Variants in PDZD11 observed in about 807,000 individuals in gnomAD.
PDZD11 encodes PDZ domain-containing protein 11.
In PDZD11, 2 loss-of-function variants were observed where a neutral mutation model predicts 13.7. The observed-to-expected ratio is 0.15, with a 90% CI of 0.06 to 0.46. The LOEUF is 0.46. Among genes scored for constraint, PDZD11 ranks in the 20% least tolerant of loss-of-function variants. PDZD11 has a pLI of 0.98. For synonymous variants in PDZD11, 32 were observed against 37.5 expected, an observed-to-expected ratio of 0.85 and a Z score of 0.54; for missense variants, 44 against 111.7, an observed-to-expected ratio of 0.39 and a Z score of 2.73.
Position 70,288,460 on chromosome X carries a change from G to T in PDZD11, c.141C>A (p.Thr47=), listed in dbSNP as rs1272756963. 1 of 1,210,997 alleles carries T rather than the reference G, an allele frequency of 8.3e-7. No homozygotes were observed. The highest frequency in any genetic ancestry group is 3.0e-5 in the East Asian group (1 of 33,827). The change falls in exon 3 of 7, where the codon ACC becomes ACA. Residue 47 remains threonine (T), a synonymous_variant. Transcript: ENST00000239666. ...NNELTQFLPR[T]ITLKKPPGAQ... ...CTCCAGGAGGCTTCTTCAGTGTGATGGTTCGGGGCAGAAACTGGGTCAACT... is the reference window on the plus strand; with the variant it reads ...CTCCAGGAGGCTTCTTCAGTGTGATTGTTCGGGGCAGAAACTGGGTCAACT...
Position 70,289,314 on chromosome X carries a change from A to G in PDZD11, c.28T>C (p.Tyr10His). MDSRIPYDD[Y>H]PVVFLPAYEN... is the part of the protein sequence containing the mutation. The stretch of plus-strand genomic sequence containing the variant: ...TAGGCAGGCAAGAAAACCACCGGGT[A>G]GTCATCATAAGGAATCCGGCTGTCC... Residue 10 changes from tyrosine to histidine, a missense_variant, in exon 2 of 7, where the codon TAC becomes CAC. Coordinates refer to ENST00000239666, the MANE Select transcript of PDZD11 (RefSeq NM_016484.5). 8.3e-7 allele frequency: 1 copy of G among 1,209,219 alleles called. No homozygotes were observed. Among genetic ancestry groups the G allele is most frequent in the Non-Finnish European group, 1.1e-6 (1 of 893,887 alleles).
At chrX:70,288,658 G>GTAGATGGA in intron 2 of PDZD11, 145 bp from the exon 3 acceptor site, 2 of 438,448 alleles carry the variant, frequency 4.6e-6, no homozygotes, top group Non-Finnish European at 8.0e-6. Context: ...GACTAAATGA[G>GTAGATGGA]TAGATGGATA....
At chrX:70,287,222 A>G in intron 6 of PDZD11, 54 bp downstream of exon 6, 1 of 1,168,557 alleles carries the variant, frequency 8.6e-7, no homozygotes, top group Non-Finnish European at 1.2e-6. Flanking sequence ...CAGTATTTAA[A>G]GAGTTCTTAC....
In PDZD11 at chrX:70,286,900, G is replaced by T; in HGVS notation, c.*182C>A. The T allele has an allele frequency of 2.2e-6, 1 of 453,176 alleles. No homozygotes were observed. The highest frequency in any genetic ancestry group is 4.0e-5 in the Admixed American group (1 of 24,856). 37.3% of individuals were successfully genotyped at this position (453,176 alleles called of 1,213,427 possible). On this transcript the variant is annotated 3_prime_UTR_variant, in exon 7 of 7. Transcript: ENST00000239666. ...CATCATCCTCCTTTCAGGGAATGAA[G>T]CTCACCTAGAAAACTAGGGAACTAA...
rs761240090 is a variant in PDZD11 at position 70,289,591 on chromosome X, A to G, written c.-13-237T>C. The G allele has an allele frequency of 3.0e-5, 12 of 403,747 alleles. No individual in the cohort carries two copies. In the East Asian group the frequency reaches 5.6e-4, roughly 19 times the overall value. 33.3% of individuals were successfully genotyped at this position (403,747 alleles called of 1,213,427 possible). A position where few individuals can be genotyped will look rare whatever the true frequency, so the allele number is the denominator to read the frequency against. On this transcript the variant is annotated intron_variant, in intron 1 of 6. Coordinates refer to ENST00000239666, the MANE Select transcript of PDZD11 (RefSeq NM_016484.5). ...TAGAAAGAGGACCTCATTTTTCACA[A>G]TCCTGCAAAACAGATGTTACCGTCT...
Sources: gnomAD v4.1 joint callset for allele counts on GRCh38, gnomAD v4.1.1 for gene constraint, MANE v1.5 for transcripts, NCBI Gene and HGNC (gene_info 2026-07-23, HGNC 2026-07-21) for gene names.